Variants in USP28 observed in about 807,000 individuals in gnomAD.
USP28 encodes the protein ubiquitin specific peptidase 28, also known as ubiquitin carboxyl-terminal hydrolase 28.
Under a neutral mutation model 145.0 loss-of-function variants are expected in USP28, and 113 were observed. The observed-to-expected ratio is 0.78, with a 90% CI of 0.67 to 0.91. The LOEUF is 0.91. Ranked by LOEUF, USP28 falls within the 40% of genes least tolerant of loss-of-function variation. The pLI is 0.00. For synonymous variants in USP28, 447 were observed against 450.9 expected (o/e 0.99, Z 0.11); for missense variants, 1,201 against 1,289.6 (o/e 0.93, Z 1.05).
intron 22 of USP28, 59 bp downstream of exon 23, chr11:113,803,739 G>T: frequency 7.3e-7 from 1 of 1,369,052 alleles, no homozygotes; most frequent in Non-Finnish European, 1.0e-6. Flanking sequence ...TCCCAGGTAG[G>T]CATCTACAGA....
intron 12 of USP28, chr11:113,820,770 T>G (rs1422107861): frequency 6.5e-6 from 1 of 152,790 alleles, no homozygotes; most frequent in Non-Finnish European, 1.5e-5. Context: ...GATGTGGAAC[T>G]AGTTGAGATG....
intron 11 of USP28, among the ~76,000 whole-genome samples, chr11:113,824,953 T>A (rs865977307): frequency 0.011 from 1,396 of 129,222 alleles, 30 homozygotes; most frequent in African/African-American, 0.037. Flanking sequence ...AAAAAAAAGA[T>A]GTCAATTTTC....
At chr11:113,866,816 A>G (rs1948294198) in intron 1 of USP28, among the ~76,000 whole-genome samples, 1 of 152,242 alleles carries the variant, frequency 6.6e-6, no homozygotes, top group South Asian at 2.1e-4. Flanking sequence ...AAAGAAGGGA[A>G]AACAGGTACT....
chr11:113,839,112 G>C (rs149741514), intron 5 of USP28, among the ~76,000 whole-genome samples: 26 of 152,306 alleles, frequency 1.7e-4, no homozygotes, highest in African/African-American at 6.0e-4. Flanking sequence ...CACTTTTTCT[G>C]AAGTACAGAT....
chr11:113,874,819 CAGG>C (rs1259452366), intron 1 of USP28: 7 of 1,059,506 alleles, frequency 6.6e-6, no homozygotes, highest in Non-Finnish European at 8.0e-6. Flanking sequence ...ACATTGGGAA[CAGG>C]AGATCATCAT....
At chr11:113,842,292 T>G (rs1945281926) in intron 3 of USP28, among the ~76,000 whole-genome samples, 1 of 151,872 alleles carries the variant, frequency 6.6e-6, no homozygotes. Context: ...AATTACATAT[T>G]AAGACCAAGT....
intron 21 of USP28, 48 bp downstream of exon 22, chr11:113,804,625 C>T (rs781625335): frequency 7.7e-6 from 12 of 1,552,820 alleles, no homozygotes; most frequent in Non-Finnish European, 9.7e-6. Flanking sequence ...TACCATTTAC[C>T]TCAGGAATTA....
intron 1 of USP28, among the ~76,000 whole-genome samples, chr11:113,868,944 CAAAA>C (rs1948558509): frequency 2.7e-5 from 4 of 147,080 alleles, no homozygotes; most frequent in Admixed American, 2.7e-4. Context: ...AAAAAAAAGA[CAAAA>C]GAAAGAAAAG....
intron 1 of USP28, among the ~76,000 whole-genome samples, chr11:113,873,111 G>A (rs1591534979): frequency 6.6e-6 from 1 of 152,188 alleles, no homozygotes; most frequent in South Asian, 2.1e-4. Flanking sequence ...TCCTTTAAGG[G>A]AAAGGTAGAA....
chr11:113,863,673 C>T (rs867489021), intron 1 of USP28, among the ~76,000 whole-genome samples: 4 of 149,076 alleles, frequency 2.7e-5, no homozygotes, highest in Non-Finnish European at 5.9e-5. Context: ...AGGCCGGGCG[C>T]GGTGGCTCAC....
At chr11:113,814,395 A>T (rs991570144) in intron 14 of USP28, among the ~76,000 whole-genome samples, 3 of 152,188 alleles carry the variant, frequency 2.0e-5, no homozygotes, top group Admixed American at 6.5e-5. Flanking sequence ...GGTTAGTCTG[A>T]GCAATATGGG....
intron 11 of USP28, among the ~76,000 whole-genome samples, chr11:113,826,337 A>ATTTTTTTTTTTTTTTTTTT (rs71063527): frequency 2.0e-5 from 1 of 50,736 alleles, no homozygotes; most frequent in African/African-American, 7.5e-5. Flanking sequence ...CACCACACCC[A>ATTTTTTTTTTTTTTTTTTT]TTTTTTTTTT....
intron 4 of USP28, 32 bp downstream of exon 4, chr11:113,841,631 G>A (rs183396189): frequency 1.2e-5 from 17 of 1,453,812 alleles, no homozygotes; most frequent in Middle Eastern, 1.8e-4. Flanking sequence ...ACACAAATGT[G>A]GGGGGCAAGA....
chr11:113,818,870 A>G (rs1942165057), intron 12 of USP28, among the ~76,000 whole-genome samples: 1 of 149,962 alleles, frequency 6.7e-6, no homozygotes, highest in South Asian at 2.1e-4. Context: ...CAAAAAAAGC[A>G]AAACAAAACA....
chr11:113,811,438 A>T (rs1269948721), intron 16 of USP28, among the ~76,000 whole-genome samples: 1 of 152,270 alleles, frequency 6.6e-6, no homozygotes, highest in African/African-American at 2.4e-5. Context: ...CTGTAATCCC[A>T]GCACTTTGAG....
intron 13 of USP28, among the ~76,000 whole-genome samples, chr11:113,816,687 T>C (rs1352215711): frequency 3.3e-5 from 5 of 152,206 alleles, no homozygotes; most frequent in African/African-American, 9.7e-5. Context: ...TACACCTCCC[T>C]GTAATTTTTA....
chr11:113,809,254 T>A (rs1382979668), exon 17 of USP28: 1 of 1,612,768 alleles, frequency 6.2e-7, no homozygotes, highest in Admixed American at 1.7e-5. Context: ...TGGGGCTGCC[T>A]CTGAGGAAAA....
chr11:113,840,625 A>G (rs776440222), exon 5 of USP28: 1 of 1,614,148 alleles, frequency 6.2e-7, no homozygotes, highest in Non-Finnish European at 8.5e-7. Flanking sequence ...ACCAACATGT[A>G]TTGCCAACAT....
chr11:113,803,875 C>G (rs1434986432), exon 22 of USP28: 32 of 1,612,864 alleles, frequency 2.0e-5, no homozygotes, highest in African/African-American at 2.7e-5. Context: ...CTTCATGCCA[C>G]TTCTGAAAAA....
Sources: allele counts gnomAD v4.1 joint callset (sites outside exome capture counted in the v4.1 genomes callset), GRCh38; gene constraint gnomAD v4.1.1; transcripts MANE v1.5; gene names NCBI Gene and HGNC (gene_info 2026-07-23, HGNC 2026-07-21).